SYN3: variants seen among roughly 807,000 people sequenced by gnomAD.
SYN3 encodes synapsin-3.
Under a neutral mutation model 65.8 loss-of-function variants are expected in SYN3, and 35 were observed. The observed-to-expected ratio is 0.53, with a 90% CI of 0.41 to 0.70. The LOEUF is 0.70. SYN3 is among the 30% of genes least tolerant of loss of function. The pLI is 0.00. For synonymous variants in SYN3, 270 were observed against 292.9 expected, an observed-to-expected ratio of 0.92 and a Z score of 0.80; for missense variants, 680 against 749.0, an observed-to-expected ratio of 0.91 and a Z score of 1.08.
chr22:32,917,776 G>A lies in SYN3; in HGVS notation c.461+13614C>T, dbSNP rs565553465. Among the ~76,000 whole-genome samples the A allele has an allele frequency of 1.8e-4, 27 of 152,356 alleles. No homozygotes were observed. In the South Asian group the frequency reaches 2.7e-3, roughly 15 times the overall value. On this transcript the variant is annotated intron_variant, in intron 4 of 13. Transcript: ENST00000358763. ...TCCCAGGGGAGTTGGCAGATCTGCC[G>A]CTGGCCTGTTGGCTGGAGGTGCACA...
chr22:32,556,069 GC>G (rs2058491136), intron 7 of SYN3, among the ~76,000 whole-genome samples: 1 of 152,174 alleles, frequency 6.6e-6, no homozygotes, highest in South Asian at 2.1e-4. Flanking sequence ...AGGTTCCCAA[GC>G]CTTCTTGGTT....
At position 32,804,719 on chromosome 22, in the gene SYN3, T is replaced by C. The variant is rs542015881; in HGVS notation, c.711+60196A>G. Among the ~76,000 whole-genome samples the C allele has an allele frequency of 3.3e-5, 5 of 152,282 alleles. No individual in the cohort carries two copies. The East Asian group carries it at 7.7e-4, about 24-fold the overall frequency. ...GGGGGAGGAGGAGTTAAAAGGTGTT[T>C]CTATGGCAACTCCAGGCCCTGCACC... On this transcript the variant is annotated intron_variant, in intron 6 of 13. Transcript: ENST00000358763.
At chr22:32,549,400 T>A in intron 7 of SYN3, among the ~76,000 whole-genome samples, 1 of 152,098 alleles carries the variant, frequency 6.6e-6, no homozygotes, top group East Asian at 1.9e-4. Context: ...ACTACAGGCA[T>A]GTGCCACCAC....
In SYN3 at chr22:32,513,902, A is replaced by G. The variant is rs1428116562; in HGVS notation, c.1611-78T>C. On this transcript the variant is annotated intron_variant, in intron 13 of 13. Coordinates refer to ENST00000358763, the MANE Select transcript of SYN3 (RefSeq NM_003490.4). ...AAATGGGTCTTGGGGGCTTGCCTGT[A>G]AGCCAGATGGGCTACCCCAATCATC... 6 of 1,573,944 alleles carry G rather than the reference A, an allele frequency of 3.8e-6. No individual in the cohort carries two copies. The South Asian group carries it at 7.0e-5, about 18-fold the overall frequency.
At position 32,637,630 on chromosome 22, in the gene SYN3, CTTTTTTT is replaced by C. The variant is rs1185407986; in HGVS notation, c.712-40901_712-40895del. Among the ~76,000 whole-genome samples the C allele has an allele frequency of 8.7e-3, 811 of 93,574 alleles. 2 individuals carry two copies. The highest frequency in any genetic ancestry group is 0.021 in the Admixed American group (150 of 7,286). The allele number at this position is 93,574 out of a possible 152,430, so 61.4% of individuals were successfully genotyped here. A position where few individuals can be genotyped will look rare whatever the true frequency, so the allele number is the denominator to read the frequency against. On this transcript the variant is annotated intron_variant, in intron 6 of 13. Transcript: ENST00000358763. Reference sequence around the variant, plus strand: ...AGTTAGGTTTTCTTTTTTTCTTTTTCTTTTTTTTTTTTTTTTTTTTTTTTTGAGACAG... The same window carrying C: ...AGTTAGGTTTTCTTTTTTTCTTTTTCTTTTTTTTTTTTTTTTTTGAGACAG...
chr22:32,819,532 A>G (rs1215942719), intron 6 of SYN3, among the ~76,000 whole-genome samples: 2 of 152,190 alleles, frequency 1.3e-5, no homozygotes, highest in Non-Finnish European at 2.9e-5. Flanking sequence ...TCTCTCCTTG[A>G]ACACAGGTTT....
At chr22:32,703,715 T>C (rs993905532) in intron 6 of SYN3, among the ~76,000 whole-genome samples, 1 of 151,814 alleles carries the variant, frequency 6.6e-6, no homozygotes, top group African/African-American at 2.4e-5. Flanking sequence ...AGAAGAAAAC[T>C]GATGGCAAAA....
chr22:33,047,125 C>T (rs897447800), intron 1 of SYN3, among the ~76,000 whole-genome samples: 1 of 152,070 alleles, frequency 6.6e-6, no homozygotes, highest in Non-Finnish European at 1.5e-5. Context: ...AATAGTATTT[C>T]CCTCATACTG....
chr22:32,530,427 G>A (rs1218054005), intron 10 of SYN3, among the ~76,000 whole-genome samples: 1 of 152,094 alleles, frequency 6.6e-6, no homozygotes, highest in Non-Finnish European at 1.5e-5. Context: ...GGCAACCCAC[G>A]GTCCTCCCAC....
intron 1 of SYN3, among the ~76,000 whole-genome samples, chr22:33,043,851 G>C (rs2054008814): frequency 6.6e-6 from 1 of 151,932 alleles, no homozygotes; most frequent in Non-Finnish European, 1.5e-5. Context: ...TCAAGAGATC[G>C]AGACCATCCT....
chr22:32,620,485 C>T (rs1284208478), intron 6 of SYN3, among the ~76,000 whole-genome samples: 1 of 152,028 alleles, frequency 6.6e-6, no homozygotes, highest in East Asian at 1.9e-4. Context: ...AACGATAAGG[C>T]CAACCAACCA....
chr22:32,708,220 G>A (rs1163503999), intron 6 of SYN3, among the ~76,000 whole-genome samples: 1 of 152,258 alleles, frequency 6.6e-6, no homozygotes, highest in Non-Finnish European at 1.5e-5. Flanking sequence ...CAGTCTACAC[G>A]GATGATGAAG....
At chr22:32,636,769 A>T (rs149875530) in intron 6 of SYN3, among the ~76,000 whole-genome samples, 1 of 152,206 alleles carries the variant, frequency 6.6e-6, no homozygotes, top group African/African-American at 2.4e-5. Flanking sequence ...ATTTGGACAC[A>T]GGCTCAGTCC....
chr22:32,548,843 G>C (rs1051146289), intron 7 of SYN3, among the ~76,000 whole-genome samples: 1 of 152,150 alleles, frequency 6.6e-6, no homozygotes, highest in African/African-American at 2.4e-5. Flanking sequence ...TGCACGCAAG[G>C]CTGTTTATTG....
Position 32,702,273 on chromosome 22 carries a change from C to T in SYN3, c.712-105537G>A, listed in dbSNP as rs145797271. ...CGGGTGGATCACGAGGTCAGGAGAT[C>T]GAGACCATCCTGCCTAACATGGTAA... On this transcript the variant is annotated intron_variant, in intron 6 of 13. Transcript: ENST00000358763. 2.9e-3 allele frequency among the ~76,000 whole-genome samples: 438 copies of T among 152,104 alleles called. 2 individuals carry two copies. The highest frequency in any genetic ancestry group is 9.8e-3 in the African/African-American group (406 of 41,476).
intron 3 of SYN3, among the ~76,000 whole-genome samples, chr22:32,954,502 GC>G (rs1199569420): frequency 1.3e-5 from 2 of 152,242 alleles, no homozygotes; most frequent in Non-Finnish European, 2.9e-5. Context: ...ACGTCCCATT[GC>G]TATGAGCTGG....
chr22:32,955,608 G>C (rs1274904889), intron 3 of SYN3, among the ~76,000 whole-genome samples: 14 of 152,102 alleles, frequency 9.2e-5, no homozygotes, highest in Non-Finnish European at 1.5e-5. Flanking sequence ...CATTCATGGT[G>C]TTGTGCAACC....
chr22:32,953,642 C>T lies in SYN3; in HGVS notation c.370-22161G>A, dbSNP rs148283334. ...GAAAATTGGCGTGCCTGGAACAGGGCTAGTAAGGTGGTCAGGAAAGAAGAT... is the reference window on the plus strand; with the variant it reads ...GAAAATTGGCGTGCCTGGAACAGGGTTAGTAAGGTGGTCAGGAAAGAAGAT... On this transcript the variant is annotated intron_variant, in intron 3 of 13. Transcript: ENST00000358763. Among the ~76,000 whole-genome samples the T allele has an allele frequency of 2.8e-3, 419 of 151,960 alleles. 3 individuals carry two copies. The highest frequency in any genetic ancestry group is 9.8e-3 in the African/African-American group (408 of 41,442).
intron 6 of SYN3, among the ~76,000 whole-genome samples, chr22:32,671,699 ACACAGGTGCACACACATGCTCT>A (rs1432786088): frequency 6.7e-6 from 1 of 148,162 alleles, no homozygotes; most frequent in Non-Finnish European, 1.5e-5. Context: ...ACACGCTGTC[ACACAGGTGCACACACATGCTCT>A]CACAGGTACA....
Sources: allele counts gnomAD v4.1 joint callset (sites outside exome capture counted in the v4.1 genomes callset), GRCh38; gene constraint gnomAD v4.1.1; transcripts MANE v1.5; gene names NCBI Gene and HGNC (gene_info 2026-07-23, HGNC 2026-07-21).